Variants in TNRC6B observed in about 807,000 individuals in gnomAD.
TNRC6B encodes trinucleotide repeat-containing gene 6B protein.
In TNRC6B, 52 loss-of-function variants were observed where a neutral mutation model predicts 203.6. The observed-to-expected ratio is 0.26, with a 90% CI of 0.20 to 0.32. The LOEUF (loss-of-function observed/expected upper bound fraction) is 0.32, where lower values mean the gene tolerates loss of function less well. Ranked by LOEUF, TNRC6B falls within the 10% of genes least tolerant of loss-of-function variation. The pLI is 1.00. For missense variants in TNRC6B, 1,923 were observed against 2,286.2 expected (o/e 0.84, Z 3.24); for synonymous variants, 838 against 845.7 (o/e 0.99, Z 0.16).
rs2070084643 is a variant in TNRC6B at position 40,244,911 on chromosome 22, C to G, written c.6-1104C>G. On this transcript the variant is annotated intron_variant, in intron 1 of 22. Transcript: ENST00000454349. ...ATAAATGTTACTTTTCAAATGTGTG[C>G]TGTAAATTAGAGTCTCTTAATTTCT... 2.6e-5 allele frequency among the ~76,000 whole-genome samples: 4 copies of G among 152,022 alleles called. No homozygotes were observed. The South Asian group carries it at 8.3e-4, about 32-fold the overall frequency.
chr22:40,297,121 A>G (rs940158721), intron 12 of TNRC6B, among the ~76,000 whole-genome samples: 3 of 152,252 alleles, frequency 2.0e-5, no homozygotes, highest in African/African-American at 7.2e-5. Flanking sequence ...GATTGGTAGA[A>G]ATACTGGCAT....
intron 3 of TNRC6B, among the ~76,000 whole-genome samples, chr22:40,134,620 T>C (rs1391554820): frequency 6.6e-6 from 1 of 152,146 alleles, no homozygotes; most frequent in Non-Finnish European, 1.5e-5. Flanking sequence ...ATGTAGGTGA[T>C]GGGTTGATGG....
At chr22:40,204,916 A>G (rs1434725538) in intron 1 of TNRC6B, among the ~76,000 whole-genome samples, 1 of 152,250 alleles carries the variant, frequency 6.6e-6, no homozygotes, top group East Asian at 1.9e-4. Flanking sequence ...AGTGAAATTA[A>G]TGACATTAAA....
intron 4 of TNRC6B, among the ~76,000 whole-genome samples, chr22:40,169,130 C>CT (rs135632): frequency 0.088 from 9,620 of 109,650 alleles, 573 homozygotes; most frequent in African/African-American, 0.14. Flanking sequence ...TTGGAATCTT[C>CT]TTTTTTTTTT....
chr22:40,134,496 G>A (rs535055184), intron 3 of TNRC6B, among the ~76,000 whole-genome samples: 63 of 152,256 alleles, frequency 4.1e-4, no homozygotes, highest in African/African-American at 1.1e-3. Flanking sequence ...GTGGTATTCT[G>A]GATGGGATCC....
At chr22:40,253,859 G>A (rs1322365359) in intron 3 of TNRC6B, among the ~76,000 whole-genome samples, 2 of 152,096 alleles carry the variant, frequency 1.3e-5, no homozygotes, top group Non-Finnish European at 2.9e-5. Context: ...TCTGGGGAAC[G>A]TGTTCCTTTC....
At chr22:40,210,612 C>G (rs1351833809) in intron 1 of TNRC6B, among the ~76,000 whole-genome samples, 1 of 152,172 alleles carries the variant, frequency 6.6e-6, no homozygotes, top group Non-Finnish European at 1.5e-5. Context: ...CTCATTTACA[C>G]TATTTAAGTT....
chr22:40,188,735 T>C (rs1174278686), intron 1 of TNRC6B, among the ~76,000 whole-genome samples: 2 of 152,240 alleles, frequency 1.3e-5, no homozygotes, highest in Non-Finnish European at 2.9e-5. Flanking sequence ...AACAGTGGCT[T>C]TTAAACTTTT....
At chr22:40,070,943 G>A (rs1186834803) in intron 1 of TNRC6B, among the ~76,000 whole-genome samples, 1 of 152,114 alleles carries the variant, frequency 6.6e-6, no homozygotes, top group Non-Finnish European at 1.5e-5. Flanking sequence ...GTCAGTTCAG[G>A]TCAGACCTTG....
chr22:40,301,425 G>A, intron 15 of TNRC6B, 92 bp downstream of exon 15: 1 of 1,316,906 alleles, frequency 7.6e-7, no homozygotes, highest in African/African-American at 1.5e-5. Context: ...CCTTTTTTAT[G>A]TCAGCTGTAC....
At chr22:40,292,151 G>T (rs1025735211) in intron 12 of TNRC6B, among the ~76,000 whole-genome samples, 1 of 152,090 alleles carries the variant, frequency 6.6e-6, no homozygotes, top group Non-Finnish European at 1.5e-5. Context: ...CCGAGATCGT[G>T]CCACTGCGCT....
At chr22:40,103,046 C>T (rs1472824835) in intron 1 of TNRC6B, among the ~76,000 whole-genome samples, 1 of 152,124 alleles carries the variant, frequency 6.6e-6, no homozygotes, top group East Asian at 1.9e-4. Flanking sequence ...CATTGCACTC[C>T]AGCCTGGGGA....
chr22:40,220,448 A>G (rs1371856233), intron 1 of TNRC6B, among the ~76,000 whole-genome samples: 2 of 151,564 alleles, frequency 1.3e-5, no homozygotes, highest in Admixed American at 6.6e-5. Flanking sequence ...TGACAGCTTT[A>G]GAGTGACTTA....
chr22:40,287,633 C>T (rs1276357605), intron 12 of TNRC6B, among the ~76,000 whole-genome samples: 1 of 152,224 alleles, frequency 6.6e-6, no homozygotes, highest in Non-Finnish European at 1.5e-5. Flanking sequence ...TCTACAATGG[C>T]AGTGTCTTCT....
At chr22:40,112,228 G>T (rs1347208589) in intron 1 of TNRC6B, among the ~76,000 whole-genome samples, 1 of 152,222 alleles carries the variant, frequency 6.6e-6, no homozygotes, top group Non-Finnish European at 1.5e-5. Context: ...AGACTGGAAA[G>T]AAACAGACCA....
At chr22:40,137,122 T>C (rs1379378809) in intron 3 of TNRC6B, among the ~76,000 whole-genome samples, 2 of 152,240 alleles carry the variant, frequency 1.3e-5, no homozygotes, top group Admixed American at 6.5e-5. Flanking sequence ...GTTTGTGTTT[T>C]GGTAGGGGAT....
intron 1 of TNRC6B, among the ~76,000 whole-genome samples, chr22:40,243,054 A>G (rs2070053738): frequency 6.6e-6 from 1 of 151,762 alleles, no homozygotes. Flanking sequence ...TATTTTTAGT[A>G]GAGATGGGGT....
rs543794387 is a variant in TNRC6B at position 40,328,183 on chromosome 22, C to T, written c.*4942C>T. The stretch of plus-strand genomic sequence containing the variant: ...CATAGGAGTTAACTTAGCAGTGTTG[C>T]AAGTTAAGGTTCCAAACCAAATTAT... On this transcript the variant is annotated 3_prime_UTR_variant, in exon 23 of 23. Coordinates refer to ENST00000454349, the MANE Select transcript of TNRC6B (RefSeq NM_001162501.2). The T allele has an allele frequency of 3.7e-4, 57 of 152,332 alleles. No individual in the cohort carries two copies. The highest frequency in any genetic ancestry group is 1.3e-3 in the African/African-American group (55 of 41,566). The allele number at this position is 152,332 out of a possible 1,614,324, so 9.4% of individuals were successfully genotyped here.
rs2069084059 is a variant in TNRC6B at position 40,178,013 on chromosome 22, T to C, written c.-123T>C. 3.2e-6 allele frequency: 5 copies of C among 1,555,210 alleles called. No individual in the cohort carries two copies. The highest frequency in any genetic ancestry group is 4.3e-6 in the Non-Finnish European group (5 of 1,156,942). ...AAATGGCCGACAGAGTCTCTGCTGG[T>C]TTCTGAATATTTAAAATACAAAAAA... On this transcript the variant is annotated 5_prime_UTR_variant, in exon 1 of 23. Coordinates refer to ENST00000454349, the MANE Select transcript of TNRC6B (RefSeq NM_001162501.2).
Sources: gnomAD v4.1 joint callset for allele counts (sites outside exome capture counted in the v4.1 genomes callset) on GRCh38, gnomAD v4.1.1 for gene constraint, MANE v1.5 for transcripts, NCBI Gene and HGNC (gene_info 2026-07-23, HGNC 2026-07-21) for gene names.